Variants in DGKI observed in about 807,000 individuals in gnomAD.
DGKI encodes DAG kinase iota.
A neutral mutation model predicts 147.5 loss-of-function variants in DGKI; 55 were observed. That is an observed-to-expected ratio of 0.37 (90% confidence interval 0.30 to 0.47). DGKI has a LOEUF of 0.47. Among genes scored for constraint, DGKI ranks in the 20% least tolerant of loss-of-function variants. DGKI has a pLI of 1.00. For synonymous variants in DGKI, 469 were observed against 477.1 expected (o/e 0.98, Z 0.22); for missense variants, 1,007 against 1,323.8 (o/e 0.76, Z 3.71).
At chr7:137,664,091 G>T (rs1280723520) in intron 3 of DGKI, among the ~76,000 whole-genome samples, 1 of 152,138 alleles carries the variant, frequency 6.6e-6, no homozygotes, top group African/African-American at 2.4e-5. Context: ...GGAAAAAATA[G>T]TGCGGCTGGG....
At chr7:137,794,110 T>C (rs1027229408) in intron 1 of DGKI, among the ~76,000 whole-genome samples, 5 of 152,200 alleles carry the variant, frequency 3.3e-5, no homozygotes, top group Non-Finnish European at 7.3e-5. Flanking sequence ...ACATAATGCA[T>C]GTCCCCAAAA....
At chr7:137,771,934 A>T (rs1357575507) in intron 1 of DGKI, 1 of 152,270 alleles carries the variant, frequency 6.6e-6, no homozygotes. Flanking sequence ...TGTAGGAATC[A>T]GCAGCTGTGG....
intron 28 of DGKI, among the ~76,000 whole-genome samples, chr7:137,433,080 C>T (rs1164442839): frequency 6.6e-6 from 1 of 152,130 alleles, no homozygotes; most frequent in East Asian, 1.9e-4. Context: ...ATTGACATAA[C>T]AAGTCTGGCA....
At chr7:137,394,277 T>TTG (rs368571001) in intron 32 of DGKI, among the ~76,000 whole-genome samples, 3 of 151,900 alleles carry the variant, frequency 2.0e-5, no homozygotes, top group Admixed American at 6.6e-5. Context: ...ATCGTAAGAT[T>TTG]TGTGTGTGTG....
intron 3 of DGKI, among the ~76,000 whole-genome samples, chr7:137,664,326 T>G (rs947647126): frequency 4.6e-4 from 61 of 133,626 alleles, no homozygotes; most frequent in Non-Finnish European, 7.8e-4. Flanking sequence ...TGCAGTGAAC[T>G]GAGACTGTGC....
At chr7:137,837,249 A>G (rs1053688372) in intron 1 of DGKI, among the ~76,000 whole-genome samples, 6 of 152,260 alleles carry the variant, frequency 3.9e-5, no homozygotes, top group Admixed American at 2.0e-4. Context: ...TGGCAAAATC[A>G]GTAACTTATA....
chr7:137,467,364 T>C (rs1482964882), intron 24 of DGKI, among the ~76,000 whole-genome samples: 6 of 152,372 alleles, frequency 3.9e-5, no homozygotes, highest in Admixed American at 6.5e-5. Flanking sequence ...TTTCATTTAA[T>C]CTTTTATGCC....
In DGKI at chr7:137,386,122, C is replaced by A. The variant is rs942764850; in HGVS notation, c.*5098G>T. The stretch of plus-strand genomic sequence containing the variant: ...AAGATACCATTCAATTTTCACGTTT[C>A]TATTTTAAAATCCATGCTACAAGAG... On this transcript the variant is annotated 3_prime_UTR_variant, in exon 33 of 33. Coordinates refer to ENST00000614521, the MANE Select transcript of DGKI (RefSeq NM_001321708.2). 1.3e-5 allele frequency: 2 copies of A among 152,072 alleles called. No individual in the cohort carries two copies. The highest frequency in any genetic ancestry group is 1.3e-4 in the Admixed American group (2 of 15,254). 9.4% of individuals were successfully genotyped at this position (152,072 alleles called of 1,614,324 possible).
At chr7:137,426,047 A>C (rs1255826243) in intron 28 of DGKI, among the ~76,000 whole-genome samples, 1 of 152,182 alleles carries the variant, frequency 6.6e-6, no homozygotes, top group African/African-American at 2.4e-5. Flanking sequence ...AAATACAGAG[A>C]ACGCCACAAA....
chr7:137,662,981 T>C (rs764151521), intron 3 of DGKI, among the ~76,000 whole-genome samples: 6 of 152,218 alleles, frequency 3.9e-5, no homozygotes, highest in Non-Finnish European at 5.9e-5. Flanking sequence ...AAAATACTCA[T>C]GCAATGCTCA....
intron 8 of DGKI, among the ~76,000 whole-genome samples, chr7:137,615,976 A>G (rs1287323817): frequency 1.3e-5 from 2 of 152,158 alleles, no homozygotes; most frequent in Non-Finnish European, 2.9e-5. Flanking sequence ...CAAGCTCACC[A>G]TACCTCAGCT....
intron 1 of DGKI, among the ~76,000 whole-genome samples, chr7:137,735,106 T>C (rs141560875): frequency 1.5e-4 from 23 of 152,266 alleles, no homozygotes; most frequent in African/African-American, 5.3e-4. Flanking sequence ...CCATCTTTTA[T>C]GCTGAAATTA....
At chr7:137,812,364 A>G (rs538363012) in intron 1 of DGKI, among the ~76,000 whole-genome samples, 2 of 152,348 alleles carry the variant, frequency 1.3e-5, no homozygotes, top group South Asian at 4.1e-4. Context: ...TATCATCATC[A>G]TCATCATCTA....
intron 27 of DGKI, among the ~76,000 whole-genome samples, chr7:137,453,693 G>A (rs1280231583): frequency 6.6e-6 from 1 of 152,148 alleles, no homozygotes; most frequent in Admixed American, 6.6e-5. Flanking sequence ...ACCAACAGAG[G>A]GAAGGGGTGC....
At chr7:137,716,615 G>T (rs532216596) in intron 1 of DGKI, among the ~76,000 whole-genome samples, 31 of 152,288 alleles carry the variant, frequency 2.0e-4, no homozygotes, top group African/African-American at 7.0e-4. Flanking sequence ...CACATGCAGG[G>T]TGTGTTGAAA....
intron 12 of DGKI, among the ~76,000 whole-genome samples, chr7:137,588,152 G>A (rs376540017): frequency 1.3e-5 from 2 of 152,228 alleles, no homozygotes; most frequent in African/African-American, 4.8e-5. Context: ...ATAGGACGTT[G>A]ATCAGTTTTG....
At chr7:137,463,346 A>G in intron 27 of DGKI, 143 bp downstream of exon 27, 4 of 1,193,890 alleles carry the variant, frequency 3.4e-6, no homozygotes, top group South Asian at 1.6e-5. Context: ...GGTGCATGGA[A>G]TGAAAACACA....
chr7:137,829,164 A>G (rs866534745), intron 1 of DGKI, among the ~76,000 whole-genome samples: 1 of 152,262 alleles, frequency 6.6e-6, no homozygotes. Flanking sequence ...GGCAAAGCAG[A>G]GGAAGATGCA....
chr7:137,404,875 T>C (rs1018004102), intron 30 of DGKI, among the ~76,000 whole-genome samples: 6 of 152,060 alleles, frequency 3.9e-5, no homozygotes, highest in East Asian at 1.9e-4. Context: ...AACTGATTTG[T>C]ATTGGAATGT....
Sources: gnomAD v4.1 joint callset for allele counts (sites outside exome capture counted in the v4.1 genomes callset) on GRCh38, gnomAD v4.1.1 for gene constraint, MANE v1.5 for transcripts, NCBI Gene and HGNC (gene_info 2026-07-23, HGNC 2026-07-21) for gene names.